Variants in PRKCH observed in about 807,000 individuals in gnomAD.
PRKCH encodes protein kinase C eta, also known as protein kinase C eta type.
Under a neutral mutation model 82.5 loss-of-function variants are expected in PRKCH, and 28 were observed. That is an observed-to-expected ratio of 0.34 (90% CI 0.25 to 0.47). The LOEUF (loss-of-function observed/expected upper bound fraction) is 0.47. PRKCH is among the 20% of genes least tolerant of loss of function. PRKCH has a pLI of 1.00. For synonymous variants in PRKCH, 322 were observed against 327.4 expected (o/e 0.98, Z 0.18); for missense variants, 705 against 881.8 (o/e 0.80, Z 2.54).
chr14:61,316,242 T>C (rs1419312514), intron 1 of PRKCH, among the ~76,000 whole-genome samples: 2 of 152,216 alleles, frequency 1.3e-5, no homozygotes, highest in African/African-American at 4.8e-5. Flanking sequence ...TGCCATTTTA[T>C]AGTAACACGG....
chr14:61,328,927 A>G (rs2045742301), intron 1 of PRKCH, among the ~76,000 whole-genome samples: 1 of 151,772 alleles, frequency 6.6e-6, no homozygotes, highest in Admixed American at 6.6e-5. Context: ...TTGAGGCTGC[A>G]GTGAGCCATG....
intron 2 of PRKCH, among the ~76,000 whole-genome samples, chr14:61,427,271 A>C (rs1883154367): frequency 6.6e-6 from 1 of 152,226 alleles, no homozygotes; most frequent in South Asian, 2.1e-4. Context: ...TAGAATCAAT[A>C]GAAAGGAGTG....
intron 1 of PRKCH, among the ~76,000 whole-genome samples, chr14:61,323,647 G>A (rs2045659926): frequency 6.6e-6 from 1 of 152,162 alleles, no homozygotes; most frequent in African/African-American, 2.4e-5. Context: ...GATGGCTTGT[G>A]GAGCTATTCC....
At chr14:61,227,188 A>G (rs925527772) in intron 1 of PRKCH, among the ~76,000 whole-genome samples, 2 of 152,216 alleles carry the variant, frequency 1.3e-5, no homozygotes, top group East Asian at 1.9e-4. Flanking sequence ...GTGGTTCTCA[A>G]AGTCAGACTG....
intron 5 of PRKCH, among the ~76,000 whole-genome samples, chr14:61,449,920 G>GTA (rs1884419058): frequency 6.6e-6 from 1 of 151,234 alleles, no homozygotes; most frequent in African/African-American, 2.4e-5. Context: ...GTGTGTGTGT[G>GTA]TGTATGTGTA....
At chr14:61,239,043 A>C (rs1004808757) in intron 1 of PRKCH, among the ~76,000 whole-genome samples, 5 of 152,206 alleles carry the variant, frequency 3.3e-5, no homozygotes, top group Admixed American at 6.5e-5. Flanking sequence ...AGGTGGAGTC[A>C]GGCAATCTCC....
chr14:61,463,630 A>G (rs1470159914), intron 9 of PRKCH, among the ~76,000 whole-genome samples: 2 of 152,210 alleles, frequency 1.3e-5, no homozygotes, highest in Non-Finnish European at 2.9e-5. Context: ...TGTTTTTCTG[A>G]TAATCTGGAC....
upstream of PRKCH, among the ~76,000 whole-genome samples, chr14:61,321,192 C>T (rs1324874790): frequency 6.6e-6 from 1 of 152,242 alleles, no homozygotes; most frequent in Non-Finnish European, 1.5e-5. This position sits in a 1 kb window ranked among gnomAD's most constrained non-coding sequence, Gnocchi z 4.1. Flanking sequence ...GCCAGGGCCT[C>T]TTGGGGATGG....
intron 3 of PRKCH, among the ~76,000 whole-genome samples, chr14:61,444,578 T>C (rs77523567): frequency 0.04 from 6,049 of 151,836 alleles, 427 homozygotes; most frequent in African/African-American, 0.14. Context: ...CAACCAGCCT[T>C]TAACGCTCCC....
intron 1 of PRKCH, chr14:61,304,574 C>G (rs1035021449): frequency 6.6e-6 from 1 of 151,902 alleles, no homozygotes; most frequent in African/African-American, 2.4e-5. Flanking sequence ...CTTGTAATCC[C>G]AGCACTTTGG....
In PRKCH at chr14:61,222,449, C is replaced by A. The variant is rs188793939; in HGVS notation, c.-19+34781C>A. On this transcript the variant is annotated intron_variant, in intron 1 of 3. Transcript: ENST00000555185. ...CAATAAATGGCATTTTACTTCAAAA[C>A]TCCCTCATATCCATGGACTTAGAAA... is the stretch of plus-strand genomic sequence containing the variant. 1.4e-3 allele frequency among the ~76,000 whole-genome samples: 208 copies of A among 152,274 alleles called. 1 individual carries two copies. The highest frequency in any genetic ancestry group is 3.2e-4 in the Non-Finnish European group (22 of 68,020).
intron 1 of PRKCH, among the ~76,000 whole-genome samples, chr14:61,366,856 C>G (rs148191314): frequency 6.6e-6 from 1 of 151,976 alleles, no homozygotes; most frequent in African/African-American, 2.4e-5. Flanking sequence ...AAATTGGACC[C>G]TAGAACTTTG....
intron 1 of PRKCH, among the ~76,000 whole-genome samples, chr14:61,282,099 T>C (rs541997006): frequency 6.6e-6 from 1 of 152,152 alleles, no homozygotes; most frequent in African/African-American, 2.4e-5. Flanking sequence ...TCGTTTTCTT[T>C]TCAGATTATT....
intron 10 of PRKCH, chr14:61,527,957 G>A (rs2042989168): frequency 6.6e-6 from 1 of 152,168 alleles, no homozygotes; most frequent in South Asian, 2.1e-4. Context: ...TCTGCTGTGA[G>A]GCTGTCTCTC....
At chr14:61,245,599 A>G (rs978882027) in intron 1 of PRKCH, among the ~76,000 whole-genome samples, 3 of 152,196 alleles carry the variant, frequency 2.0e-5, no homozygotes, top group Non-Finnish European at 2.9e-5. Context: ...CCAAGGGTGA[A>G]AGAGCGCTGA....
intron 9 of PRKCH, among the ~76,000 whole-genome samples, chr14:61,468,500 G>A (rs1191617421): frequency 6.6e-6 from 1 of 152,096 alleles, no homozygotes; most frequent in Non-Finnish European, 1.5e-5. Flanking sequence ...GATTATTTGG[G>A]ACCTTTGCTT....
intron 10 of PRKCH, among the ~76,000 whole-genome samples, chr14:61,499,903 A>G (rs775088270): frequency 1.2e-4 from 18 of 150,954 alleles, no homozygotes; most frequent in Admixed American, 4.0e-4. Context: ...AAAAAAATAC[A>G]GCTCTCTTAC....
At chr14:61,266,730 T>G (rs2045105098) in intron 1 of PRKCH, among the ~76,000 whole-genome samples, 2 of 152,312 alleles carry the variant, frequency 1.3e-5, no homozygotes, top group South Asian at 4.1e-4. Context: ...GCCTGGTTCA[T>G]CTATATGCTG....
At chr14:61,198,466 T>A (rs1959669) in intron 1 of PRKCH, among the ~76,000 whole-genome samples, 36,978 of 152,106 alleles carry the variant, frequency 0.24, 4,977 homozygotes, top group Admixed American at 0.37. Flanking sequence ...CTCCCCTCCT[T>A]CCCTATGTCC....
Sources: allele counts gnomAD v4.1 joint callset (sites outside exome capture counted in the v4.1 genomes callset), GRCh38; gene constraint gnomAD v4.1.1; non-coding constraint Gnocchi (gnomAD v3.1); transcripts MANE v1.5; gene names NCBI Gene and HGNC (gene_info 2026-07-23, HGNC 2026-07-21).